Variants in SNX4 observed in about 807,000 individuals in gnomAD.
The protein encoded by SNX4 is sorting nexin-4.
SNX4 carries 49 observed loss-of-function variants against 70.8 expected under a neutral mutation model. That is an observed-to-expected ratio of 0.69 (90% CI 0.55 to 0.88). The LOEUF is 0.88. Among genes scored for constraint, SNX4 ranks in the 40% least tolerant of loss-of-function variants. SNX4 has a pLI of 0.00. For synonymous variants in SNX4, 206 were observed against 183.8 expected (o/e 1.12, Z -0.98); for missense variants, 528 against 544.8 (o/e 0.97, Z 0.31).
At chr3:125,497,477 T>C (rs1221841319) in intron 4 of SNX4, 89 bp from the exon 5 acceptor site, 5 of 896,036 alleles carry the variant, frequency 5.6e-6, no homozygotes, top group African/African-American at 3.4e-5. Flanking sequence ...CTGTTCTTAC[T>C]TCAGCAGGAA....
chr3:125,487,779 T>C (rs931352131), intron 6 of SNX4, among the ~76,000 whole-genome samples: 1 of 151,006 alleles, frequency 6.6e-6, no homozygotes, highest in African/African-American at 2.4e-5. Context: ...AACAAAACTA[T>C]AGCGATAATA....
intron 2 of SNX4, 126 bp downstream of exon 2, chr3:125,504,497 G>C: frequency 1.1e-6 from 1 of 930,358 alleles, no homozygotes; most frequent in South Asian, 1.8e-5. Flanking sequence ...AAAAAGTAAA[G>C]AAACAAAGTC....
chr3:125,508,394 C>T (rs1186864387), intron 1 of SNX4, among the ~76,000 whole-genome samples: 3 of 151,986 alleles, frequency 2.0e-5, no homozygotes, highest in African/African-American at 7.2e-5. Context: ...GGTGAAACCC[C>T]GTCACTACTA....
At chr3:125,452,707 T>C (rs1933606225) in intron 12 of SNX4, among the ~76,000 whole-genome samples, 2 of 152,156 alleles carry the variant, frequency 1.3e-5, no homozygotes, top group African/African-American at 4.8e-5. Flanking sequence ...AAGCTCCACC[T>C]CCCAGGTTCA....
chr3:125,492,726 T>C (rs911111693), intron 5 of SNX4, among the ~76,000 whole-genome samples: 1 of 152,214 alleles, frequency 6.6e-6, no homozygotes, highest in African/African-American at 2.4e-5. Context: ...ACAGAGTTTA[T>C]GAGTATTTCC....
intron 5 of SNX4, among the ~76,000 whole-genome samples, chr3:125,494,273 T>C (rs1934731337): frequency 6.6e-6 from 1 of 152,110 alleles, no homozygotes; most frequent in Non-Finnish European, 1.5e-5. Flanking sequence ...ATTAATTATA[T>C]AATTAATAAG....
chr3:125,479,892 C>A (rs76030193), intron 7 of SNX4, among the ~76,000 whole-genome samples: 3 of 152,112 alleles, frequency 2.0e-5, no homozygotes, highest in African/African-American at 7.2e-5. Context: ...ACAGGATGGC[C>A]TAACACCTAT....
At chr3:125,516,730 A>G (rs1211739742) in intron 1 of SNX4, among the ~76,000 whole-genome samples, 1 of 152,128 alleles carries the variant, frequency 6.6e-6, no homozygotes, top group Non-Finnish European at 1.5e-5. Context: ...AACCACAGCT[A>G]CTCGGGAGGC....
intron 6 of SNX4, among the ~76,000 whole-genome samples, chr3:125,486,557 C>T (rs1488326910): frequency 2.6e-5 from 4 of 152,022 alleles, no homozygotes; most frequent in African/African-American, 7.2e-5. Flanking sequence ...ATCTGGGAGG[C>T]GGAGCTTGCA....
At chr3:125,481,967 C>T (rs573261394) in intron 6 of SNX4, among the ~76,000 whole-genome samples, 2 of 152,074 alleles carry the variant, frequency 1.3e-5, no homozygotes, top group East Asian at 3.9e-4. Context: ...CTCACTGCAG[C>T]CCTTGATCCA....
At chr3:125,478,047 C>CCTT (rs74478568) in intron 7 of SNX4, among the ~76,000 whole-genome samples, 32,901 of 147,570 alleles carry the variant, frequency 0.22, 3,610 homozygotes, top group Admixed American at 0.26. Flanking sequence ...TCCTCCTCCT[C>CCTT]CTTCTTCTTC....
chr3:125,483,605 A>G (rs956933135), intron 6 of SNX4, among the ~76,000 whole-genome samples: 11 of 152,224 alleles, frequency 7.2e-5, no homozygotes, highest in African/African-American at 2.4e-4. Context: ...TCTCTGTTTG[A>G]TTAACACATT....
At position 125,452,775 on chromosome 3, in the gene SNX4, G is replaced by A. The variant is rs138465231; in HGVS notation, c.1190+1035C>T. 6.4e-3 allele frequency among the ~76,000 whole-genome samples: 977 copies of A among 151,986 alleles called. 7 individuals are homozygous for A. The highest frequency in any genetic ancestry group is 0.017 in the African/African-American group (724 of 41,466). ...TGGGACTGTAGGCGCCTGCCACCGCGCTCGGCTAATTTTTTTGGTTTTTAG... is the reference window on the plus strand; with the variant it reads ...TGGGACTGTAGGCGCCTGCCACCGCACTCGGCTAATTTTTTTGGTTTTTAG... On this transcript the variant is annotated intron_variant, in intron 12 of 13. Transcript: ENST00000251775.
intron 2 of SNX4, among the ~76,000 whole-genome samples, chr3:125,499,020 AT>A (rs1559822605): frequency 6.6e-6 from 1 of 152,188 alleles, no homozygotes; most frequent in Non-Finnish European, 1.5e-5. Flanking sequence ...AGAACAAAAT[AT>A]TAGTTAGCTC....
intron 2 of SNX4, among the ~76,000 whole-genome samples, chr3:125,502,811 G>C (rs1332718709): frequency 1.1e-4 from 15 of 131,426 alleles, no homozygotes; most frequent in African/African-American, 4.5e-4. Context: ...CCGAGATCGC[G>C]CCACCGCACT....
At chr3:125,513,623 C>A (rs1580012854) in intron 1 of SNX4, among the ~76,000 whole-genome samples, 3 of 152,166 alleles carry the variant, frequency 2.0e-5, no homozygotes, top group Admixed American at 2.0e-4. Context: ...CACAACCCAG[C>A]ACTAACCACT....
At chr3:125,476,265 CAAAAAAAA>C (rs749425097) in intron 8 of SNX4, among the ~76,000 whole-genome samples, 1 of 46,826 alleles carries the variant, frequency 2.1e-5, no homozygotes. Flanking sequence ...GACTCCATCT[CAAAAAAAA>C]AAAAAAAAAA....
chr3:125,514,899 C>A (rs1004359425), intron 1 of SNX4, among the ~76,000 whole-genome samples: 1 of 152,030 alleles, frequency 6.6e-6, no homozygotes. Flanking sequence ...CAATACTGGT[C>A]TCAAGGCATG....
chr3:125,492,172 C>A (rs1934677410), intron 5 of SNX4, among the ~76,000 whole-genome samples: 1 of 150,746 alleles, frequency 6.6e-6, no homozygotes, highest in Non-Finnish European at 1.5e-5. Flanking sequence ...GTGAAGGTGG[C>A]CCTTGGACTG....
Sources: gnomAD v4.1 joint callset for allele counts (sites outside exome capture counted in the v4.1 genomes callset) on GRCh38, gnomAD v4.1.1 for gene constraint, MANE v1.5 for transcripts, NCBI Gene and HGNC (gene_info 2026-07-23, HGNC 2026-07-21) for gene names.